FBXO41: variants seen among roughly 807,000 people sequenced by gnomAD.
The protein encoded by FBXO41 is F-box only protein 41.
Under a neutral mutation model 81.6 loss-of-function variants are expected in FBXO41, and 33 were observed. The observed-to-expected ratio is 0.40, with a 90% CI of 0.31 to 0.54. The LOEUF (loss-of-function observed/expected upper bound fraction) is 0.54, where lower values mean the gene tolerates loss of function less well. Among genes scored for constraint, FBXO41 ranks in the 20% least tolerant of loss-of-function variants. The pLI, the probability that FBXO41 is intolerant of heterozygous loss-of-function variation, is 0.39. For synonymous variants in FBXO41, 576 were observed against 552.7 expected (o/e 1.04, Z -0.59); for missense variants, 1,107 against 1,236.0 (o/e 0.90, Z 1.56).
intron 9 of FBXO41, among the ~76,000 whole-genome samples, chr2:73,262,870 C>G (rs1476863495): frequency 6.6e-6 from 1 of 152,170 alleles, no homozygotes; most frequent in Non-Finnish European, 1.5e-5. Flanking sequence ...CTTAGCCTCC[C>G]CAGTAGCTGG....
Position 73,260,831 on chromosome 2 carries a change from G to T in FBXO41, c.2199C>A (p.Arg733=). Residue 733 remains arginine, a synonymous_variant, in exon 10 of 13, where the codon CGC becomes CGA. Coordinates refer to ENST00000520530, the MANE Select transcript of FBXO41 (RefSeq NM_001371389.2). The surrounding 1 kb of genome is among the most constrained non-coding windows in gnomAD (Gnocchi z 5.0). ...AACAGCGACCAATCATCTGCAGGCAGCGGTTACTGAAGCGTGTGGGCTGCT... is the reference window on the plus strand; with the variant it reads ...AACAGCGACCAATCATCTGCAGGCATCGGTTACTGAAGCGTGTGGGCTGCT... ...PCQQPTRFSN[R]CLQMIGRCWP... is the part of the protein sequence containing the mutation. 6.4e-7 allele frequency: 1 copy of T among 1,569,312 alleles called. No homozygotes were observed. The highest frequency in any genetic ancestry group is 8.7e-7 in the Non-Finnish European group (1 of 1,155,978).
intron 1 of FBXO41, among the ~76,000 whole-genome samples, chr2:73,277,067 C>CT (rs1688717153): frequency 6.6e-6 from 1 of 152,184 alleles, no homozygotes; most frequent in South Asian, 2.1e-4. Context: ...TGAAGTGCCC[C>CT]TTTTTGCCTC....
Position 73,269,453 on chromosome 2 carries a change from C to A in FBXO41, c.178G>T (p.Ala60Ser). 1 of 1,263,958 alleles carries A rather than the reference C, an allele frequency of 7.9e-7. No individual in the cohort carries two copies. The highest frequency in any genetic ancestry group is 4.1e-5 in the Admixed American group (1 of 24,688). 78.3% of individuals were successfully genotyped at this position (1,263,958 alleles called of 1,614,324 possible). A position where few individuals can be genotyped will look rare whatever the true frequency, so the allele number is the denominator to read the frequency against. ...GGAGCCAGCGGGAACCCCGAGGCAG[C>A]GGCGGCGGCGGCCGCGGCGGCGGCG... ...GAAAAAAAAA[A>S]ASGFPLAPEP... Residue 60 changes from alanine (A) to serine (S), a missense_variant, in exon 2 of 13, where the codon GCT (alanine) becomes TCT (serine). Coordinates refer to ENST00000520530, the MANE Select transcript of FBXO41 (RefSeq NM_001371389.2). This position sits in a 1 kb window ranked among gnomAD's most constrained non-coding sequence, Gnocchi z 7.0.
intron 1 of FBXO41, chr2:73,271,092 T>G (rs1688476603): frequency 2.7e-6 from 1 of 369,370 alleles, no homozygotes; most frequent in Non-Finnish European, 5.4e-6. Flanking sequence ...ATCTCTATTC[T>G]CCCCCTAGGA....
intron 4 of FBXO41, 23 bp from the exon 5 acceptor site, chr2:73,265,663 G>C: frequency 6.7e-7 from 1 of 1,482,770 alleles, no homozygotes. Context: ...GGACCACACA[G>C]TAAGGGGTAA....
At chr2:73,282,952 G>A (rs1304016458) in intron 1 of FBXO41, among the ~76,000 whole-genome samples, 2 of 152,168 alleles carry the variant, frequency 1.3e-5, no homozygotes, top group Non-Finnish European at 2.9e-5. Context: ...GGGCCCAACA[G>A]TTCTTTCCCT....
intron 8 of FBXO41, 96 bp from the exon 9 acceptor site, chr2:73,263,404 G>T (rs1688090799): frequency 1.0e-6 from 1 of 972,574 alleles, no homozygotes. Flanking sequence ...GGGATCGCCT[G>T]AGCCCAGGAT....
chr2:73,259,058 C>T lies in FBXO41; in HGVS notation c.2566-14G>A, dbSNP rs1404498017. The T allele has an allele frequency of 3.7e-6, 6 of 1,605,732 alleles. No individual in the cohort carries two copies. The African/African-American group carries it at 6.7e-5, about 18-fold the overall frequency. On this transcript the variant is annotated splice_polypyrimidine_tract_variant and intron_variant, in intron 12 of 12. Coordinates refer to ENST00000520530, the MANE Select transcript of FBXO41 (RefSeq NM_001371389.2). The surrounding 1 kb of genome is among the most constrained non-coding windows in gnomAD (Gnocchi z 4.2). ...CCGTCGCAGAGCCTGCGGACCGAACCCTGGGTTAGTTCTCCCTCCGTGCCA... is the reference window on the plus strand; with the variant it reads ...CCGTCGCAGAGCCTGCGGACCGAACTCTGGGTTAGTTCTCCCTCCGTGCCA...
intron 9 of FBXO41, among the ~76,000 whole-genome samples, chr2:73,262,059 C>T (rs1316020145): frequency 6.6e-6 from 1 of 152,094 alleles, no homozygotes; most frequent in Non-Finnish European, 1.5e-5. Context: ...CCCGTCTCTA[C>T]TACAAATACA....
chr2:73,259,731 T>C lies in FBXO41; in HGVS notation c.2450-435A>G, dbSNP rs746701001. On this transcript the variant is annotated intron_variant, in intron 11 of 12. Coordinates refer to ENST00000520530, the MANE Select transcript of FBXO41 (RefSeq NM_001371389.2). The surrounding 1 kb of genome is among the most constrained non-coding windows in gnomAD (Gnocchi z 4.2). Reference sequence around the variant, plus strand: ...GGATATGTCGTGAAGTCGGGGGAGGTAGAGGAAGATCAGGCGACTGAGAAG... The same window carrying C: ...GGATATGTCGTGAAGTCGGGGGAGGCAGAGGAAGATCAGGCGACTGAGAAG... Among the ~76,000 whole-genome samples, 5 of 150,258 alleles carry C rather than the reference T, an allele frequency of 3.3e-5. No individual in the cohort carries two copies. Among genetic ancestry groups the C allele is most frequent in the Non-Finnish European group, 7.4e-5 (5 of 67,564 alleles).
chr2:73,267,107 G>A (rs115232930), intron 2 of FBXO41, among the ~76,000 whole-genome samples: 2,134 of 151,964 alleles, frequency 0.014, 58 homozygotes, highest in African/African-American at 0.049. Context: ...CATGTCCTTC[G>A]ATACCCAGCA....
chr2:73,268,736 G>T lies in FBXO41; in HGVS notation c.895C>A (p.Arg299Ser). The T allele has an allele frequency of 3.2e-6, 5 of 1,543,378 alleles. No individual in the cohort carries two copies. Among genetic ancestry groups the T allele is most frequent in the Non-Finnish European group, 3.5e-6 (4 of 1,139,886 alleles). Reference sequence around the variant, plus strand: ...CGAGGGTCTACTCACTGCTGCTTGCGGCTCAGCTCCTGTTCCTTGTGCACC... The same window carrying T: ...CGAGGGTCTACTCACTGCTGCTTGCTGCTCAGCTCCTGTTCCTTGTGCACC... ...DLVHKEQELS[R>S]KQQEVVQIDQ... is the part of the protein sequence containing the mutation. The change falls in exon 2 of 13, where the codon CGC (arginine) becomes AGC (serine). Residue 299 changes from arginine (R) to serine (S), a missense_variant. Arg to Ser is a moderately radical substitution (Grantham distance 110). Around this residue, in one of 2 missense-constraint regions of FBXO41, gnomAD observed 771 missense variants for 789.2 expected, o/e 0.98. Coordinates refer to ENST00000520530, the MANE Select transcript of FBXO41 (RefSeq NM_001371389.2).
Position 73,260,272 on chromosome 2 carries a change from C to T in FBXO41, c.2449+117G>A. On this transcript the variant is annotated intron_variant, in intron 11 of 12. Transcript: ENST00000520530. This position sits in a 1 kb window ranked among gnomAD's most constrained non-coding sequence, Gnocchi z 5.0. ...CAGTGCTCTTAACCTGTCCCCCTGC[C>T]TCTGCCCTTGGCTGGAGACTCTGAT... 1 of 1,373,094 alleles carries T rather than the reference C, an allele frequency of 7.3e-7. No individual in the cohort carries two copies. The highest frequency in any genetic ancestry group is 1.4e-5 in the South Asian group (1 of 71,420). 85.1% of individuals were successfully genotyped at this position (1,373,094 alleles called of 1,614,324 possible). A position where few individuals can be genotyped will look rare whatever the true frequency, so the allele number is the denominator to read the frequency against.
At chr2:73,262,065 A>G (rs753089178) in intron 9 of FBXO41, among the ~76,000 whole-genome samples, 5 of 152,142 alleles carry the variant, frequency 3.3e-5, no homozygotes, top group Admixed American at 6.5e-5. Flanking sequence ...TCTACTACAA[A>G]TACAAAAATT....
chr2:73,283,503 A>G (rs899774080), intron 1 of FBXO41, among the ~76,000 whole-genome samples: 33 of 152,206 alleles, frequency 2.2e-4, no homozygotes, highest in African/African-American at 6.3e-4. Context: ...CTCGCTGCAG[A>G]GAGACCTAAG....
chr2:73,264,010 A>T lies in FBXO41; in HGVS notation c.1850T>A (p.Leu617Gln). ...LAQWCTQAHS[L>Q]TLQNLKPRQR... ...CCGGGGCTTCAAGTTCTGCAGCGTC[A>T]GAGAGTGGGCCTGGGTGCACCACTG... The change falls in exon 7 of 13, where the codon CTG becomes CAG. Residue 617 changes from leucine to glutamine, a missense_variant. Transcript: ENST00000520530. 6.2e-7 allele frequency: 1 copy of T among 1,603,846 alleles called. No individual in the cohort carries two copies. The highest frequency in any genetic ancestry group is 1.1e-5 in the South Asian group (1 of 89,486).
chr2:73,270,992 G>A (rs902189907), intron 1 of FBXO41: 2 of 521,398 alleles, frequency 3.8e-6, no homozygotes, highest in Admixed American at 4.0e-5. Flanking sequence ...GAGCTTTCCT[G>A]TCTGGATTTT....
At chr2:73,276,653 G>GA (rs199631100) in intron 1 of FBXO41, among the ~76,000 whole-genome samples, 3 of 147,044 alleles carry the variant, frequency 2.0e-5, no homozygotes, top group Non-Finnish European at 3.0e-5. Context: ...ACACATGGGG[G>GA]AAAAAAAAAG....
At chr2:73,279,556 A>C (rs1688788916) in intron 1 of FBXO41, among the ~76,000 whole-genome samples, 1 of 152,112 alleles carries the variant, frequency 6.6e-6, no homozygotes, top group Non-Finnish European at 1.5e-5. Flanking sequence ...GGAAGAGAGG[A>C]TGTCCAGGAG....
Sources: gnomAD v4.1 joint callset for allele counts (sites outside exome capture counted in the v4.1 genomes callset) on GRCh38, gnomAD v4.1.1 for gene constraint, gnomAD v4.1.1 regional missense constraint, Gnocchi (gnomAD v3.1) non-coding constraint, MANE v1.5 for transcripts, NCBI Gene and HGNC (gene_info 2026-07-23, HGNC 2026-07-21) for gene names.